Variants in ANO10 observed in about 807,000 individuals in gnomAD.
ANO10 encodes anoctamin 10, also known as anoctamin-10.
A neutral mutation model predicts 74.7 loss-of-function variants in ANO10; 77 were observed. The observed-to-expected ratio is 1.03, with a 90% CI of 0.86 to 1.25. ANO10 has a LOEUF of 1.25. Among genes scored for constraint, ANO10 ranks in the 50% most tolerant of loss-of-function variants. The pLI is 0.00. For missense variants in ANO10, 721 were observed against 778.1 expected, an observed-to-expected ratio of 0.93 and a Z score of 0.87; for synonymous variants, 279 against 284.9, an observed-to-expected ratio of 0.98 and a Z score of 0.21.
intron 12 of ANO10, among the ~76,000 whole-genome samples, chr3:43,420,090 CTA>C (rs2092797587): frequency 6.6e-6 from 1 of 152,152 alleles, no homozygotes; most frequent in Non-Finnish European, 1.5e-5. Flanking sequence ...CCCAGTTTCT[CTA>C]TGTTTATTAC....
chr3:43,645,804 G>A (rs375093086), intron 1 of ANO10, among the ~76,000 whole-genome samples: 2 of 151,968 alleles, frequency 1.3e-5, no homozygotes, highest in East Asian at 3.8e-4. Flanking sequence ...AAGTATCTCT[G>A]CCTGGTGTTT....
chr3:43,502,011 A>G (rs1033657047), intron 11 of ANO10, among the ~76,000 whole-genome samples: 10 of 152,204 alleles, frequency 6.6e-5, no homozygotes, highest in African/African-American at 2.2e-4. Context: ...AGAAAATAAC[A>G]AGTGTTGGTG....
chr3:43,464,775 T>C (rs1167627503), intron 11 of ANO10, among the ~76,000 whole-genome samples: 1 of 152,186 alleles, frequency 6.6e-6, no homozygotes, highest in Non-Finnish European at 1.5e-5. Context: ...CATATCAATA[T>C]ATACAGAAAA....
intron 11 of ANO10, among the ~76,000 whole-genome samples, chr3:43,475,070 C>T (rs1431080749): frequency 2.0e-5 from 3 of 152,142 alleles, no homozygotes; most frequent in Non-Finnish European, 2.9e-5. Context: ...CTGCCCAGGC[C>T]ATTTATACAA....
intron 11 of ANO10, among the ~76,000 whole-genome samples, chr3:43,491,375 G>A (rs557231431): frequency 5.9e-5 from 9 of 152,238 alleles, no homozygotes; most frequent in South Asian, 2.1e-4. Flanking sequence ...TTAGCCAGGC[G>A]TAGTGGCAGG....
At chr3:43,593,039 G>T (rs1465879044) in intron 4 of ANO10, among the ~76,000 whole-genome samples, 1 of 152,170 alleles carries the variant, frequency 6.6e-6, no homozygotes, top group African/African-American at 2.4e-5. Flanking sequence ...ATGAAATGAA[G>T]CAAGAAGAGA....
chr3:43,448,618 G>A (rs988206799), intron 11 of ANO10, among the ~76,000 whole-genome samples: 3 of 152,274 alleles, frequency 2.0e-5, no homozygotes, highest in Admixed American at 1.3e-4. Flanking sequence ...TGGTTGCTCC[G>A]AAGTTTGGAC....
chr3:43,462,654 A>G (rs2075430817), intron 11 of ANO10, among the ~76,000 whole-genome samples: 2 of 152,248 alleles, frequency 1.3e-5, no homozygotes, highest in Non-Finnish European at 2.9e-5. Flanking sequence ...AGAAATTTGC[A>G]TAAGTAATGA....
chr3:43,561,514 T>C (rs890060471), intron 8 of ANO10, 112 bp from the exon 9 acceptor site: 4 of 986,784 alleles, frequency 4.1e-6, no homozygotes, highest in Middle Eastern at 3.1e-4. Context: ...AATACAATTA[T>C]GCAACAAATA....
intron 1 of ANO10, among the ~76,000 whole-genome samples, chr3:43,676,770 A>G (rs957690669): frequency 6.6e-6 from 1 of 152,120 alleles, no homozygotes; most frequent in African/African-American, 2.4e-5. Flanking sequence ...TGAATCTGCA[A>G]TTCTCTCAAT....
intron 1 of ANO10, among the ~76,000 whole-genome samples, chr3:43,662,877 T>A (rs1185742925): frequency 6.6e-6 from 1 of 151,928 alleles, no homozygotes; most frequent in African/African-American, 2.4e-5. Context: ...CAATAACAGG[T>A]TCTGAAATTG....
At chr3:43,372,704 T>C (rs2091657930) in intron 12 of ANO10, 4 of 708,066 alleles carry the variant, frequency 5.6e-6, no homozygotes, top group Non-Finnish European at 9.5e-6. Flanking sequence ...AGATTTTTTT[T>C]CTGTCTTAAA....
intron 1 of ANO10, among the ~76,000 whole-genome samples, chr3:43,658,512 C>T (rs956145309): frequency 9.9e-5 from 15 of 151,862 alleles, no homozygotes; most frequent in Admixed American, 9.2e-4. Flanking sequence ...CACTGTTGCC[C>T]GGGCTGGAGT....
intron 1 of ANO10, among the ~76,000 whole-genome samples, chr3:43,679,776 G>A (rs142230257): frequency 3.2e-4 from 49 of 152,286 alleles, no homozygotes; most frequent in Non-Finnish European, 6.5e-4. Context: ...AACATTTACT[G>A]TTCACCAGTA....
At chr3:43,427,430 A>T (rs1347211812) in intron 12 of ANO10, among the ~76,000 whole-genome samples, 1 of 152,308 alleles carries the variant, frequency 6.6e-6, no homozygotes, top group East Asian at 1.9e-4. Context: ...AAAATGCACA[A>T]CCCTATTTAA....
intron 11 of ANO10, among the ~76,000 whole-genome samples, chr3:43,505,848 T>C (rs2077274778): frequency 6.6e-6 from 1 of 152,222 alleles, no homozygotes; most frequent in Admixed American, 6.5e-5. Context: ...TATGAGTATG[T>C]ATAATAGGGC....
At chr3:43,444,296 G>C (rs2093208137) in intron 11 of ANO10, among the ~76,000 whole-genome samples, 1 of 152,134 alleles carries the variant, frequency 6.6e-6, no homozygotes, top group South Asian at 2.1e-4. Context: ...GTTAAAGTTT[G>C]TTTTCCTCTC....
intron 1 of ANO10, among the ~76,000 whole-genome samples, chr3:43,616,118 G>A (rs928879222): frequency 7.2e-5 from 11 of 152,172 alleles, no homozygotes; most frequent in Non-Finnish European, 1.0e-4. Flanking sequence ...CCGTACATAA[G>A]CATATCATCT....
chr3:43,375,796 G>A (rs956332866), intron 12 of ANO10, among the ~76,000 whole-genome samples: 5 of 128,160 alleles, frequency 3.9e-5, no homozygotes, highest in Non-Finnish European at 1.8e-5. Flanking sequence ...AGGAGCCTGG[G>A]GGAGAAGGTG....
Sources: allele counts gnomAD v4.1 joint callset (sites outside exome capture counted in the v4.1 genomes callset), GRCh38; gene constraint gnomAD v4.1.1; transcripts MANE v1.5; gene names NCBI Gene and HGNC (gene_info 2026-07-23, HGNC 2026-07-21).